Variants in NKAIN2 observed in about 807,000 individuals in gnomAD.
NKAIN2 encodes the protein sodium/potassium-transporting ATPase subunit beta-1-interacting protein 2.
A neutral mutation model predicts 32.6 loss-of-function variants in NKAIN2; 14 were observed. That is an observed-to-expected ratio of 0.43 (90% confidence interval 0.28 to 0.67). NKAIN2 has a LOEUF of 0.67. Among genes scored for constraint, NKAIN2 ranks in the 30% least tolerant of loss-of-function variants. The probability of loss-of-function intolerance (pLI) is 0.17; values close to 1 mark genes in which losing one functional copy is unlikely to be tolerated. For missense variants in NKAIN2, 198 were observed against 258.3 expected, an observed-to-expected ratio of 0.77 and a Z score of 1.60; for synonymous variants, 80 against 87.2, an observed-to-expected ratio of 0.92 and a Z score of 0.46.
chr6:124,452,236 A>G (rs1471713952), intron 3 of NKAIN2, among the ~76,000 whole-genome samples: 1 of 150,508 alleles, frequency 6.6e-6, no homozygotes, highest in Non-Finnish European at 1.5e-5. Context: ...CCTTTTTTAT[A>G]TATGTGAAAT....
intron 3 of NKAIN2, among the ~76,000 whole-genome samples, chr6:124,506,138 G>A (rs1402135583): frequency 2.6e-5 from 4 of 151,326 alleles, no homozygotes; most frequent in Non-Finnish European, 5.9e-5. Context: ...CCGAGATCAC[G>A]CCACTGCACT....
chr6:124,332,246 CAGAGAG>C (rs756473810), intron 2 of NKAIN2, among the ~76,000 whole-genome samples: 1 of 150,772 alleles, frequency 6.6e-6, no homozygotes, highest in Non-Finnish European at 1.5e-5. Flanking sequence ...CACACACACA[CAGAGAG>C]AGAGAGAGAG....
chr6:124,026,882 A>T (rs765335201), intron 1 of NKAIN2, among the ~76,000 whole-genome samples: 3 of 151,894 alleles, frequency 2.0e-5, no homozygotes, highest in Non-Finnish European at 4.4e-5. Context: ...CTTCACTTTC[A>T]CTATTCAACA....
At chr6:124,365,857 G>A (rs1288387368) in intron 3 of NKAIN2, among the ~76,000 whole-genome samples, 1 of 151,896 alleles carries the variant, frequency 6.6e-6, no homozygotes, top group Non-Finnish European at 1.5e-5. Flanking sequence ...GCAACTGTGT[G>A]GAAATTAAAC....
chr6:124,088,448 A>G (rs1316571205), intron 1 of NKAIN2, among the ~76,000 whole-genome samples: 1 of 151,980 alleles, frequency 6.6e-6, no homozygotes, highest in Non-Finnish European at 1.5e-5. Flanking sequence ...AAGGAGCTCA[A>G]TGTGGAGAAA....
intron 1 of NKAIN2, among the ~76,000 whole-genome samples, chr6:124,233,774 T>C (rs942745257): frequency 1.3e-5 from 2 of 152,176 alleles, no homozygotes; most frequent in African/African-American, 2.4e-5. Flanking sequence ...ATGGGATTCT[T>C]CAAAAATTCT....
chr6:124,697,018 T>C (rs180967679), intron 4 of NKAIN2, among the ~76,000 whole-genome samples: 8 of 152,272 alleles, frequency 5.3e-5, no homozygotes, highest in Non-Finnish European at 1.0e-4. Flanking sequence ...CAATGAGTTA[T>C]TTGCGCATAG....
chr6:124,085,668 A>G (rs535302832), intron 1 of NKAIN2, among the ~76,000 whole-genome samples: 1 of 152,094 alleles, frequency 6.6e-6, no homozygotes, highest in South Asian at 2.1e-4. Context: ...AGGGACAATT[A>G]TGTGCCTGAC....
chr6:124,093,872 G>A (rs1784536356), intron 1 of NKAIN2, among the ~76,000 whole-genome samples: 1 of 152,064 alleles, frequency 6.6e-6, no homozygotes, highest in Non-Finnish European at 1.5e-5. Flanking sequence ...GAAACTAAAG[G>A]TTGTTGTTAG....
intron 4 of NKAIN2, among the ~76,000 whole-genome samples, chr6:124,687,934 C>A (rs894701513): frequency 6.6e-6 from 1 of 151,458 alleles, no homozygotes; most frequent in Admixed American, 6.6e-5. Flanking sequence ...ATTTAAACAT[C>A]CTGCCTTTTT....
intron 4 of NKAIN2, among the ~76,000 whole-genome samples, chr6:124,749,397 A>G (rs534475144): frequency 1.3e-5 from 2 of 151,924 alleles, no homozygotes; most frequent in Non-Finnish European, 2.9e-5. Flanking sequence ...TTCGCAGGTT[A>G]TAGGGACTAG....
chr6:124,678,232 T>G (rs936010881), intron 4 of NKAIN2, among the ~76,000 whole-genome samples: 1 of 152,156 alleles, frequency 6.6e-6, no homozygotes, highest in Non-Finnish European at 1.5e-5. Flanking sequence ...GCTTTTTGAA[T>G]CTGGGTGTCC....
chr6:124,463,583 T>G (rs1776621483), intron 3 of NKAIN2, among the ~76,000 whole-genome samples: 1 of 152,062 alleles, frequency 6.6e-6, no homozygotes, highest in Non-Finnish European at 1.5e-5. Flanking sequence ...GCCCTATCTC[T>G]TTACCTTTGC....
At chr6:123,950,506 T>C (rs1177440470) in intron 1 of NKAIN2, among the ~76,000 whole-genome samples, 3 of 152,012 alleles carry the variant, frequency 2.0e-5, no homozygotes, top group African/African-American at 7.2e-5. Context: ...TCTACTCAGG[T>C]TTTCTATTTC....
At chr6:124,404,936 C>T (rs1381160152) in intron 3 of NKAIN2, among the ~76,000 whole-genome samples, 1 of 152,000 alleles carries the variant, frequency 6.6e-6, no homozygotes, top group East Asian at 1.9e-4. Context: ...TAACATAAAA[C>T]CCAGGATCTT....
intron 1 of NKAIN2, among the ~76,000 whole-genome samples, chr6:124,177,088 G>A (rs1301414468): frequency 6.6e-6 from 1 of 151,900 alleles, no homozygotes; most frequent in Non-Finnish European, 1.5e-5. Flanking sequence ...GTAATATTAG[G>A]TTAATCTACC....
rs570059727 is a variant in NKAIN2 at position 124,233,000 on chromosome 6, C to A, written c.55-50005C>A. Among the ~76,000 whole-genome samples the A allele has an allele frequency of 3.3e-5, 5 of 152,222 alleles. No individual in the cohort carries two copies. In the South Asian group the frequency reaches 8.3e-4, roughly 25 times the overall value. On this transcript the variant is annotated intron_variant, in intron 1 of 6. Transcript: ENST00000368417. Reference sequence around the variant, plus strand: ...GAAACATAGGAAATAGACTTGGTGGCAGCTTTCAGTAGGAAAGGAGAGAAT... The same window carrying A: ...GAAACATAGGAAATAGACTTGGTGGAAGCTTTCAGTAGGAAAGGAGAGAAT...
chr6:124,610,753 A>G (rs1782659133), intron 3 of NKAIN2, among the ~76,000 whole-genome samples: 2 of 152,194 alleles, frequency 1.3e-5, no homozygotes, highest in Non-Finnish European at 2.9e-5. Context: ...CACCTGTGAG[A>G]TCAGTAAATT....
intron 1 of NKAIN2, among the ~76,000 whole-genome samples, chr6:124,076,500 G>T (rs1783703099): frequency 1.3e-5 from 2 of 152,140 alleles, no homozygotes; most frequent in East Asian, 3.9e-4. Flanking sequence ...CTAAACAAAA[G>T]ATAAGAGAAA....
Sources: allele counts gnomAD v4.1 joint callset (sites outside exome capture counted in the v4.1 genomes callset), GRCh38; gene constraint gnomAD v4.1.1; transcripts MANE v1.5; gene names NCBI Gene and HGNC (gene_info 2026-07-23, HGNC 2026-07-21).